The following TENM2 variants were observed in gnomAD, a reference collection of about 807,000 sequenced individuals.
TENM2 encodes the protein teneurin-2.
In TENM2, 52 loss-of-function variants were observed where a neutral mutation model predicts 245.2. The ratio of observed to expected loss-of-function variants is 0.21; its 90% CI spans 0.17 to 0.27. The LOEUF (loss-of-function observed/expected upper bound fraction) is 0.27. Among genes scored for constraint, TENM2 ranks in the 10% least tolerant of loss-of-function variants. The pLI, the probability that TENM2 is intolerant of heterozygous loss-of-function variation, is 1.00. For synonymous variants in TENM2, 1,363 were observed against 1,438.9 expected (o/e 0.95, Z 1.19); for missense variants, 3,046 against 3,666.8 (o/e 0.83, Z 4.37).
chr5:167,026,578 A>G, the TENM2 span, among the ~76,000 whole-genome samples: 2 of 152,184 alleles, frequency 1.3e-5, no homozygotes, highest in Non-Finnish European at 2.9e-5. Context: ...TTTCAATGTT[A>G]AATCTGTCCT....
chr5:167,268,927 T>TAGAC, the TENM2 span, among the ~76,000 whole-genome samples: 72 of 134,482 alleles, frequency 5.4e-4, 1 homozygote, highest in Middle Eastern at 0.011. Flanking sequence ...GATAGATAGA[T>TAGAC]AGACAGACAT....
At chr5:168,251,014 G>A (rs1303260784) in intron 27 of TENM2, among the ~76,000 whole-genome samples, 4 of 152,158 alleles carry the variant, frequency 2.6e-5, no homozygotes, top group Non-Finnish European at 1.5e-5. Context: ...TTTATGAAGT[G>A]CAGGGAGAGA....
At chr5:168,034,556 C>T (rs1161861544) in intron 5 of TENM2, among the ~76,000 whole-genome samples, 2 of 150,906 alleles carry the variant, frequency 1.3e-5, no homozygotes, top group African/African-American at 4.9e-5. Flanking sequence ...CATAGTGAGA[C>T]CCCCCACCCC....
At chr5:168,053,445 A>T (rs772872491) in intron 6 of TENM2, among the ~76,000 whole-genome samples, 1 of 152,172 alleles carries the variant, frequency 6.6e-6, no homozygotes, top group Non-Finnish European at 1.5e-5. Flanking sequence ...ACACCCAGAT[A>T]TCTGGTCTAT....
intron 3 of TENM2, among the ~76,000 whole-genome samples, chr5:167,888,194 A>G (rs908198168): frequency 9.9e-5 from 15 of 152,222 alleles, no homozygotes; most frequent in African/African-American, 3.1e-4. Flanking sequence ...ACAGAATCCA[A>G]TTGAATACTC....
intron 14 of TENM2, 83 bp downstream of exon 16, chr5:168,190,630 G>A (rs1001274688): frequency 3.9e-5 from 51 of 1,323,912 alleles, no homozygotes; most frequent in South Asian, 2.3e-4. Context: ...CAGCTTTCCC[G>A]GGGACCCAAT....
At chr5:167,579,199 A>G (rs753185739) in intron 2 of TENM2, among the ~76,000 whole-genome samples, 3 of 152,174 alleles carry the variant, frequency 2.0e-5, no homozygotes, top group Non-Finnish European at 4.4e-5. Flanking sequence ...ACTGCATTAC[A>G]ATGGAAGGAA....
chr5:167,841,935 A>G (rs192361460), intron 2 of TENM2, among the ~76,000 whole-genome samples: 150 of 152,096 alleles, frequency 9.9e-4, no homozygotes, highest in Non-Finnish European at 1.6e-3. Flanking sequence ...GTATATATGT[A>G]TGTATATTTA....
intron 2 of TENM2, among the ~76,000 whole-genome samples, chr5:167,467,932 T>TCA (rs548353865): frequency 1.7e-4 from 26 of 152,272 alleles, no homozygotes; most frequent in Non-Finnish European, 2.8e-4. Context: ...TGTATTCTAT[T>TCA]CACATATATA....
intron 1 of TENM2, among the ~76,000 whole-genome samples, chr5:167,329,908 A>G (rs1406543351): frequency 2.0e-5 from 3 of 152,040 alleles, no homozygotes; most frequent in African/African-American, 7.2e-5. Context: ...GTGTCAGTGG[A>G]TGGTCTTGAA....
chr5:167,979,534 C>G (rs977398037), intron 4 of TENM2, among the ~76,000 whole-genome samples: 20 of 152,086 alleles, frequency 1.3e-4, no homozygotes, highest in Non-Finnish European at 2.6e-4. Flanking sequence ...GATATACATC[C>G]ACTGGGTTGC....
At chr5:167,060,390 C>T in the TENM2 span, among the ~76,000 whole-genome samples, 106 of 151,324 alleles carry the variant, frequency 7.0e-4, no homozygotes, top group South Asian at 1.5e-3. Context: ...CTGTGGGTCA[C>T]GCCTGTAATC....
At chr5:167,863,693 AC>A (rs1194032942) in intron 2 of TENM2, among the ~76,000 whole-genome samples, 1 of 152,136 alleles carries the variant, frequency 6.6e-6, no homozygotes, top group Non-Finnish European at 1.5e-5. Flanking sequence ...ATGTCATAGT[AC>A]AATAAGATGG....
chr5:167,743,905 T>C (rs1761380315), intron 2 of TENM2, among the ~76,000 whole-genome samples: 1 of 152,190 alleles, frequency 6.6e-6, no homozygotes, highest in African/African-American at 2.4e-5. Flanking sequence ...TCCTACCTCA[T>C]TGATACAATC....
chr5:167,883,450 A>G (rs1477610640), intron 3 of TENM2, among the ~76,000 whole-genome samples: 5 of 152,214 alleles, frequency 3.3e-5, no homozygotes, highest in African/African-American at 1.2e-4. Flanking sequence ...CAGCCCAACT[A>G]GGGTCAGGAC....
chr5:167,856,137 A>G lies in TENM2; in HGVS notation c.503-19849A>G, dbSNP rs113735682. On this transcript the variant is annotated intron_variant, in intron 2 of 28. Coordinates refer to ENST00000518659, the Ensembl canonical transcript of TENM2. ...GTACACATATGCCACCTCTTTGCTTAAACAAACAATGTGACCCGTTTTCTG... is the reference window on the plus strand; with the variant it reads ...GTACACATATGCCACCTCTTTGCTTGAACAAACAATGTGACCCGTTTTCTG... Among the ~76,000 whole-genome samples the G allele has an allele frequency of 5.0e-3, 754 of 152,288 alleles. 7 individuals carry two copies. Among genetic ancestry groups the G allele is most frequent in the African/African-American group, 0.017 (719 of 41,564 alleles).
the TENM2 span, among the ~76,000 whole-genome samples, chr5:167,044,301 A>G: frequency 0.63 from 95,483 of 152,004 alleles, 32,064 homozygotes; most frequent in African/African-American, 0.88. Flanking sequence ...AGTATCAAGT[A>G]TGATGGCTCC....
intron 2 of TENM2, among the ~76,000 whole-genome samples, chr5:167,696,706 A>G (rs1002846112): frequency 2.0e-5 from 3 of 152,166 alleles, no homozygotes; most frequent in Admixed American, 1.3e-4. Flanking sequence ...TTGATCTCAA[A>G]TGTCTCCGTT....
intron 2 of TENM2, among the ~76,000 whole-genome samples, chr5:167,447,843 G>T (rs1765325535): frequency 6.6e-6 from 1 of 152,236 alleles, no homozygotes; most frequent in African/African-American, 2.4e-5. Flanking sequence ...AATTGGCCCA[G>T]CATCTCTCAT....
Sources: allele counts gnomAD v4.1 joint callset (sites outside exome capture counted in the v4.1 genomes callset), GRCh38; gene constraint gnomAD v4.1.1; transcripts MANE v1.5; gene names NCBI Gene and HGNC (gene_info 2026-07-23, HGNC 2026-07-21).